Variants in RAPGEF5 observed in about 807,000 individuals in gnomAD.
The protein encoded by RAPGEF5 is M-Ras-regulated GEF.
RAPGEF5 carries 65 observed loss-of-function variants against 125.2 expected under a neutral mutation model. The ratio of observed to expected loss-of-function variants is 0.52; its 90% CI spans 0.43 to 0.64. The LOEUF is 0.64. Ranked by LOEUF, RAPGEF5 falls within the 30% of genes least tolerant of loss-of-function variation. The pLI is 0.00. For synonymous variants in RAPGEF5, 391 were observed against 385.9 expected, an observed-to-expected ratio of 1.01 and a Z score of -0.16; for missense variants, 958 against 1,048.1, an observed-to-expected ratio of 0.91 and a Z score of 1.19.
At chr7:22,275,786 T>C (rs947867236) in intron 6 of RAPGEF5, among the ~76,000 whole-genome samples, 27 of 152,180 alleles carry the variant, frequency 1.8e-4, no homozygotes, top group African/African-American at 6.5e-4. Flanking sequence ...GGTGATGTTA[T>C]GGCCATCTAA....
At chr7:22,290,465 G>T (rs547541771) in intron 6 of RAPGEF5, among the ~76,000 whole-genome samples, 90 of 152,298 alleles carry the variant, frequency 5.9e-4, no homozygotes, top group Middle Eastern at 3.4e-3. Context: ...ACAATGAAAG[G>T]CCGGGCGCGG....
intron 9 of RAPGEF5, among the ~76,000 whole-genome samples, chr7:22,197,372 A>T (rs909646488): frequency 6.6e-6 from 1 of 152,224 alleles, no homozygotes. Flanking sequence ...CTAGCTTGAC[A>T]CTACGACACT....
intron 1 of RAPGEF5, among the ~76,000 whole-genome samples, chr7:22,334,956 G>C (rs551059440): frequency 6.6e-6 from 1 of 152,176 alleles, no homozygotes; most frequent in East Asian, 1.9e-4. Flanking sequence ...CATCCTTCCA[G>C]TAATTTCAGA....
chr7:22,280,828 C>T (rs934553939), intron 6 of RAPGEF5, among the ~76,000 whole-genome samples: 5 of 152,140 alleles, frequency 3.3e-5, no homozygotes, highest in African/African-American at 4.8e-5. Context: ...TGAGTTTAAT[C>T]TCTGACATCT....
At chr7:22,204,514 G>A (rs1443684727) in intron 9 of RAPGEF5, among the ~76,000 whole-genome samples, 2 of 152,146 alleles carry the variant, frequency 1.3e-5, no homozygotes, top group African/African-American at 4.8e-5. Context: ...CAATCCAAAG[G>A]GGGAGTTTCA....
chr7:22,356,155 C>G (rs1394558615), intron 1 of RAPGEF5: 1 of 985,338 alleles, frequency 1.0e-6, no homozygotes, highest in East Asian at 1.1e-4. Context: ...ATTAGATGCA[C>G]TTAGAACTCA....
chr7:22,275,892 C>A (rs1782543284), intron 6 of RAPGEF5, among the ~76,000 whole-genome samples: 1 of 152,156 alleles, frequency 6.6e-6, no homozygotes, highest in Admixed American at 6.5e-5. Context: ...TCATGAATTT[C>A]ATGGTACAAA....
chr7:22,182,191 C>A (rs1784694742), intron 11 of RAPGEF5, among the ~76,000 whole-genome samples: 1 of 152,164 alleles, frequency 6.6e-6, no homozygotes, highest in Non-Finnish European at 1.5e-5. Context: ...TTTTAAAATT[C>A]AGACAAGGAC....
chr7:22,133,200 G>A lies in RAPGEF5; in HGVS notation c.2417-2099C>T, dbSNP rs187971232. 1.5e-4 allele frequency among the ~76,000 whole-genome samples: 23 copies of A among 152,304 alleles called. 1 individual carries two copies. The highest frequency in any genetic ancestry group is 5.3e-4 in the African/African-American group (22 of 41,562). On this transcript the variant is annotated intron_variant, in intron 23 of 25. Transcript: ENST00000665637. ...TCTATTGAGGGGCCAGGGCCTGTCA[G>A]GCTGGTACTGTCTAAGCATAAGGCA...
intron 7 of RAPGEF5, among the ~76,000 whole-genome samples, chr7:22,254,025 A>G (rs1786687842): frequency 6.6e-6 from 1 of 152,214 alleles, no homozygotes; most frequent in Non-Finnish European, 1.5e-5. Context: ...ACTGTTAAAA[A>G]TATTCTATCA....
Position 22,315,368 on chromosome 7 carries a change from A to C in RAPGEF5, c.389+2T>G. 1.3e-6 allele frequency: 2 copies of C among 1,541,674 alleles called. No homozygotes were observed. Among genetic ancestry groups the C allele is most frequent in the Non-Finnish European group, 1.8e-6 (2 of 1,142,696 alleles). On this transcript the variant is annotated splice_donor_variant, in intron 3 of 25. Coordinates refer to ENST00000665637, the MANE Select transcript of RAPGEF5 (RefSeq NM_012294.5). LOFTEE classifies it high-confidence loss of function. ...TGACAAGGTGTTAGAAAACTGTGTT[A>C]CCTGTAAAACCCCTTGAGGTTCACT...
chr7:22,286,598 A>G (rs1782803630), intron 6 of RAPGEF5, among the ~76,000 whole-genome samples: 1 of 152,154 alleles, frequency 6.6e-6, no homozygotes, highest in Admixed American at 6.6e-5. Flanking sequence ...TCATGTTTCT[A>G]TTTCCTGTCT....
chr7:22,283,546 C>A (rs531892636), intron 6 of RAPGEF5, among the ~76,000 whole-genome samples: 7 of 152,212 alleles, frequency 4.6e-5, no homozygotes, highest in African/African-American at 1.4e-4. Flanking sequence ...AAGAAATGCA[C>A]AAAGAAGAAG....
At chr7:22,302,154 G>A (rs1478806632) in intron 5 of RAPGEF5, among the ~76,000 whole-genome samples, 2 of 152,286 alleles carry the variant, frequency 1.3e-5, no homozygotes, top group East Asian at 3.9e-4. Context: ...CAAATTCCAC[G>A]ATCTTGTAAT....
At chr7:22,204,644 T>G (rs951504945) in intron 9 of RAPGEF5, among the ~76,000 whole-genome samples, 1 of 152,236 alleles carries the variant, frequency 6.6e-6, no homozygotes, top group Non-Finnish European at 1.5e-5. Context: ...TTTTCATGTT[T>G]TGTACATTCC....
At chr7:22,175,876 A>G (rs77055764) in intron 11 of RAPGEF5, among the ~76,000 whole-genome samples, 2,592 of 152,348 alleles carry the variant, frequency 0.017, 74 homozygotes, top group African/African-American at 0.059. Flanking sequence ...TGTATTATGA[A>G]CTTTTTTCAA....
At chr7:22,282,284 A>G (rs1198112155) in intron 6 of RAPGEF5, among the ~76,000 whole-genome samples, 1 of 152,178 alleles carries the variant, frequency 6.6e-6, no homozygotes, top group East Asian at 1.9e-4. Context: ...AATTCACACA[A>G]TGGAATCACA....
At chr7:22,350,315 GCTAC>G (rs1362952880) in intron 1 of RAPGEF5, among the ~76,000 whole-genome samples, 5 of 152,126 alleles carry the variant, frequency 3.3e-5, no homozygotes, top group African/African-American at 1.2e-4. Context: ...GTATTTAGAC[GCTAC>G]CTAAAATACT....
Position 22,357,115 on chromosome 7 carries a change from C to A in RAPGEF5, c.-55G>T, listed in dbSNP as rs1229909760. On this transcript the variant is annotated 5_prime_UTR_variant, in exon 1 of 26. Coordinates refer to ENST00000665637, the MANE Select transcript of RAPGEF5 (RefSeq NM_012294.5). Reference sequence around the variant, plus strand: ...CCTCTCCACCGCGCTCGCCTCCGCGCGCCGTCCGCGCCTTCGCCAGGAAGC... The same window carrying A: ...CCTCTCCACCGCGCTCGCCTCCGCGAGCCGTCCGCGCCTTCGCCAGGAAGC... 2.2e-6 allele frequency: 2 copies of A among 925,736 alleles called. No individual in the cohort carries two copies. Among genetic ancestry groups the A allele is most frequent in the South Asian group, 4.8e-5 (1 of 20,672 alleles). 57.3% of individuals were successfully genotyped at this position (925,736 alleles called of 1,614,324 possible). A position where few individuals can be genotyped will look rare whatever the true frequency, so the allele number is the denominator to read the frequency against.
Sources: gnomAD v4.1 joint callset for allele counts (sites outside exome capture counted in the v4.1 genomes callset) on GRCh38, gnomAD v4.1.1 for gene constraint, MANE v1.5 for transcripts, NCBI Gene and HGNC (gene_info 2026-07-23, HGNC 2026-07-21) for gene names.